CDK14: variants seen among roughly 807,000 people sequenced by gnomAD.
CDK14 encodes cyclin-dependent kinase 14.
In CDK14, 34 loss-of-function variants were observed where a neutral mutation model predicts 60.7. That is an observed-to-expected ratio of 0.56 (90% CI 0.43 to 0.75). CDK14 has a LOEUF of 0.75. Among genes scored for constraint, CDK14 ranks in the 30% least tolerant of loss-of-function variants. The pLI, the probability that CDK14 is intolerant of heterozygous loss-of-function variation, is 0.00. For synonymous variants in CDK14, 197 were observed against 203.7 expected (o/e 0.97, Z 0.28); for missense variants, 482 against 564.1 (o/e 0.85, Z 1.47).
intron 2 of CDK14, chr7:90,709,678 T>C: frequency 6.4e-7 from 1 of 1,569,890 alleles, no homozygotes; most frequent in East Asian, 2.3e-5. Flanking sequence ...GTTAAAGCTA[T>C]TGATACTGAA....
chr7:90,636,324 A>T (rs1487767844), intron 2 of CDK14, among the ~76,000 whole-genome samples: 1 of 152,172 alleles, frequency 6.6e-6, no homozygotes, highest in Non-Finnish European at 1.5e-5. Context: ...TACCTGATTT[A>T]TTGAGAGTTT....
chr7:90,680,830 G>A (rs1801299903), intron 2 of CDK14, among the ~76,000 whole-genome samples: 1 of 152,136 alleles, frequency 6.6e-6, no homozygotes, highest in Admixed American at 6.5e-5. Flanking sequence ...ACAACATTGT[G>A]ATCACAAATT....
intron 5 of CDK14, among the ~76,000 whole-genome samples, chr7:90,837,497 A>G (rs923725682): frequency 1.3e-5 from 2 of 152,108 alleles, no homozygotes; most frequent in East Asian, 3.9e-4. Flanking sequence ...AGACAGCAGA[A>G]TGATAAGCTT....
intron 12 of CDK14, among the ~76,000 whole-genome samples, chr7:91,100,992 T>C (rs969938022): frequency 6.6e-6 from 1 of 152,134 alleles, no homozygotes; most frequent in Non-Finnish European, 1.5e-5. Context: ...GACCTAGCAG[T>C]GTAGATTCGT....
chr7:90,967,713 G>A (rs1293332366), intron 9 of CDK14, among the ~76,000 whole-genome samples: 2 of 152,170 alleles, frequency 1.3e-5, no homozygotes, highest in Non-Finnish European at 1.5e-5. Flanking sequence ...ATAGAAAGTA[G>A]TTCTTTGGAT....
intron 2 of CDK14, among the ~76,000 whole-genome samples, chr7:90,696,338 T>TCA (rs61542847): frequency 1.0e-5 from 1 of 99,548 alleles, no homozygotes; most frequent in Non-Finnish European, 2.0e-5. Context: ...TTCTTCTTCT[T>TCA]TTTTTTTTTT....
chr7:91,168,260 CAA>C (rs35827575), intron 14 of CDK14, among the ~76,000 whole-genome samples: 6 of 123,694 alleles, frequency 4.9e-5, no homozygotes, highest in Admixed American at 7.9e-5. Context: ...GACTCTGTCT[CAA>C]AAAAAAAAAA....
At chr7:90,779,828 A>G (rs1805233137) in intron 4 of CDK14, among the ~76,000 whole-genome samples, 1 of 152,226 alleles carries the variant, frequency 6.6e-6, no homozygotes, top group South Asian at 2.1e-4. Context: ...AAAAAGTTAA[A>G]TGTTCCTTAA....
chr7:90,682,682 G>T (rs1584790784), intron 2 of CDK14, among the ~76,000 whole-genome samples: 2 of 133,694 alleles, frequency 1.5e-5, no homozygotes, highest in Admixed American at 1.4e-4. Flanking sequence ...TATGGCTTCT[G>T]TTCACCTCAG....
At chr7:90,940,499 A>C (rs1410039548) in intron 8 of CDK14, among the ~76,000 whole-genome samples, 3 of 152,128 alleles carry the variant, frequency 2.0e-5, no homozygotes, top group Non-Finnish European at 4.4e-5. Context: ...ATAAATATAC[A>C]ATAAGGCTGG....
chr7:90,680,612 C>T (rs866941581), intron 2 of CDK14, among the ~76,000 whole-genome samples: 26 of 152,184 alleles, frequency 1.7e-4, no homozygotes, highest in Admixed American at 7.9e-4. Context: ...CCTCTGCAGG[C>T]TCTTCATAAC....
At chr7:90,613,748 C>G (rs1799592416) in intron 2 of CDK14, among the ~76,000 whole-genome samples, 1 of 152,124 alleles carries the variant, frequency 6.6e-6, no homozygotes, top group South Asian at 2.1e-4. Flanking sequence ...TTCTGTACAG[C>G]CTAACTACTC....
Position 90,756,481 on chromosome 7 carries a change from T to A in CDK14, c.464+8706T>A, listed in dbSNP as rs574006661. On this transcript the variant is annotated intron_variant, in intron 4 of 14. Coordinates refer to ENST00000380050, the MANE Select transcript of CDK14 (RefSeq NM_001287135.2). The stretch of plus-strand genomic sequence containing the variant: ...GTTTTCACTCTAGTAGGTATTAATT[T>A]ATCTTGTTAGCATTTCTTGAGCAGT... Among the ~76,000 whole-genome samples, 3 of 152,354 alleles carry A rather than the reference T, an allele frequency of 2.0e-5. No homozygotes were observed. The East Asian group carries it at 5.8e-4, about 29-fold the overall frequency.
intron 4 of CDK14, among the ~76,000 whole-genome samples, chr7:90,780,871 A>C (rs1310753561): frequency 1.3e-5 from 2 of 151,926 alleles, no homozygotes; most frequent in Non-Finnish European, 2.9e-5. Context: ...ATACGTGTGC[A>C]TGTGTCTTTA....
At chr7:90,914,122 G>A (rs1792995370) in intron 7 of CDK14, among the ~76,000 whole-genome samples, 1 of 152,036 alleles carries the variant, frequency 6.6e-6, no homozygotes, top group South Asian at 2.1e-4. Context: ...TGCTTGCTTG[G>A]TCTTCTTAGT....
intron 1 of CDK14, among the ~76,000 whole-genome samples, chr7:90,597,888 C>A (rs1255159192): frequency 1.5e-5 from 2 of 137,896 alleles, no homozygotes; most frequent in Non-Finnish European, 3.1e-5. Flanking sequence ...TATGCAAAAT[C>A]TTTCCCCAGA....
chr7:91,027,389 C>T (rs1487190293), intron 10 of CDK14, among the ~76,000 whole-genome samples: 1 of 152,152 alleles, frequency 6.6e-6, no homozygotes, highest in Non-Finnish European at 1.5e-5. Context: ...CCACTCTCGT[C>T]GTGTGCCAGT....
At chr7:90,984,698 A>T (rs1413603802) in intron 10 of CDK14, among the ~76,000 whole-genome samples, 1 of 152,214 alleles carries the variant, frequency 6.6e-6, no homozygotes, top group East Asian at 1.9e-4. Flanking sequence ...TCAGGTTTTC[A>T]AGGCTATCAT....
chr7:90,895,887 A>G (rs549651472), intron 6 of CDK14, among the ~76,000 whole-genome samples: 288 of 151,468 alleles, frequency 1.9e-3, no homozygotes, highest in Non-Finnish European at 3.5e-3. Flanking sequence ...TGTTTTTCTC[A>G]TTCTTAATGT....
Sources: gnomAD v4.1 joint callset for allele counts (sites outside exome capture counted in the v4.1 genomes callset) on GRCh38, gnomAD v4.1.1 for gene constraint, MANE v1.5 for transcripts, NCBI Gene and HGNC (gene_info 2026-07-23, HGNC 2026-07-21) for gene names.